ATP13A4: variants seen among roughly 807,000 people sequenced by gnomAD.
ATP13A4 encodes probable cation-transporting ATPase 13A4.
A neutral mutation model predicts 142.5 loss-of-function variants in ATP13A4; 114 were observed. The ratio of observed to expected loss-of-function variants is 0.80; its 90% CI spans 0.69 to 0.93. The LOEUF is 0.93. ATP13A4 is among the 40% of genes least tolerant of loss of function. The pLI, the probability that ATP13A4 is intolerant of heterozygous loss-of-function variation, is 0.00. For synonymous variants in ATP13A4, 488 were observed against 514.8 expected, an observed-to-expected ratio of 0.95 and a Z score of 0.70; for missense variants, 1,392 against 1,454.0, an observed-to-expected ratio of 0.96 and a Z score of 0.69.
At chr3:193,431,202 AT>A (rs1438017909) in intron 25 of ATP13A4, among the ~76,000 whole-genome samples, 1 of 152,134 alleles carries the variant, frequency 6.6e-6, no homozygotes, top group Non-Finnish European at 1.5e-5. Context: ...TGTTTCACTG[AT>A]GTATTATTCT....
At chr3:193,507,222 C>T (rs958361988) in intron 2 of ATP13A4, among the ~76,000 whole-genome samples, 4 of 152,076 alleles carry the variant, frequency 2.6e-5, no homozygotes, top group African/African-American at 7.2e-5. Context: ...TGTGAAATAC[C>T]TAGAGGATTA....
chr3:193,410,955 T>A (rs1363821486), intron 28 of ATP13A4, 27 bp downstream of exon 28: 1 of 1,383,354 alleles, frequency 7.2e-7, no homozygotes, highest in East Asian at 2.3e-5. Flanking sequence ...CTGTAAAGCA[T>A]CATCATATCC....
intron 7 of ATP13A4, among the ~76,000 whole-genome samples, chr3:193,485,863 G>T (rs1444167554): frequency 2.7e-5 from 4 of 150,818 alleles, no homozygotes; most frequent in Admixed American, 1.3e-4. Context: ...ATCTGCTGGT[G>T]TCTTGATCTT....
At chr3:193,496,797 CATAAATAAATAA>C (rs4019217) in intron 3 of ATP13A4, among the ~76,000 whole-genome samples, 23,102 of 145,542 alleles carry the variant, frequency 0.16, 1,964 homozygotes, top group East Asian at 0.28. Context: ...TCTCAAAATA[CATAAATAAATAA>C]ATAAATAAAT....
chr3:193,425,875 G>A (rs2108612426), intron 25 of ATP13A4, among the ~76,000 whole-genome samples: 1 of 151,790 alleles, frequency 6.6e-6, no homozygotes, highest in African/African-American at 2.4e-5. Flanking sequence ...AATTCTGAAT[G>A]TTCTCACTAC....
intron 2 of ATP13A4, 129 bp from the exon 3 acceptor site, chr3:193,502,768 G>T (rs1720625820): frequency 1.0e-6 from 1 of 989,332 alleles, no homozygotes; most frequent in Non-Finnish European, 1.5e-6. Context: ...AGACAGAACG[G>T]TTTGTCTCTG....
chr3:193,438,613 A>G, intron 22 of ATP13A4, 29 bp from the exon 23 acceptor site: 1 of 1,563,790 alleles, frequency 6.4e-7, no homozygotes, highest in Non-Finnish European at 8.8e-7. Flanking sequence ...CTTACTCCTC[A>G]CATAGACTCA....
In ATP13A4 at chr3:193,541,248, C is replaced by CAAAAAAAAAAAA. The variant is rs71179308; in HGVS notation, c.60+13480_60+13491dup. On this transcript the variant is annotated intron_variant, in intron 1 of 29. Coordinates refer to ENST00000342695, the MANE Select transcript of ATP13A4 (RefSeq NM_032279.4). ...TGGGCGACAGAGCGAGACTCCTTCT[C>CAAAAAAAAAAAA]AAAAAAAAAAAAAAAAAAAAAATCA... Among the ~76,000 whole-genome samples the CAAAAAAAAAAAA allele has an allele frequency of 1.9e-3, 99 of 51,264 alleles. 8 individuals are homozygous for CAAAAAAAAAAAA. Among genetic ancestry groups the CAAAAAAAAAAAA allele is most frequent in the Non-Finnish European group, 2.5e-3 (63 of 24,872 alleles). The allele number at this position is 51,264 out of a possible 152,430, so 33.6% of individuals were successfully genotyped here.
intron 25 of ATP13A4, among the ~76,000 whole-genome samples, chr3:193,425,172 T>C (rs893642069): frequency 2.6e-5 from 4 of 151,412 alleles, no homozygotes; most frequent in African/African-American, 9.7e-5. Flanking sequence ...ATAATCTCAC[T>C]CCAGTTAGAA....
At chr3:193,581,496 A>G (rs1452693780) in intron 2 of ATP13A4, among the ~76,000 whole-genome samples, 1 of 152,188 alleles carries the variant, frequency 6.6e-6, no homozygotes, top group East Asian at 1.9e-4. Context: ...TTTCCACCAT[A>G]CAAATGCAAT....
At chr3:193,465,575 A>G (rs1365529226) in intron 11 of ATP13A4, among the ~76,000 whole-genome samples, 4 of 137,106 alleles carry the variant, frequency 2.9e-5, no homozygotes, top group Non-Finnish European at 4.7e-5. Flanking sequence ...AGCTCTCACT[A>G]TCTTTCACCA....
chr3:193,434,308 A>C (rs1716137522), intron 24 of ATP13A4, among the ~76,000 whole-genome samples: 2 of 152,216 alleles, frequency 1.3e-5, no homozygotes, highest in African/African-American at 4.8e-5. Flanking sequence ...GTAACCTTAC[A>C]TAAGTTTTAC....
At chr3:193,540,152 A>G (rs1438084355) in intron 1 of ATP13A4, among the ~76,000 whole-genome samples, 1 of 152,108 alleles carries the variant, frequency 6.6e-6, no homozygotes, top group Non-Finnish European at 1.5e-5. Flanking sequence ...GAGAAGGTAC[A>G]TGGGAAATTT....
chr3:193,496,707 C>T (rs1014767788), intron 3 of ATP13A4, among the ~76,000 whole-genome samples: 1 of 152,060 alleles, frequency 6.6e-6, no homozygotes, highest in Non-Finnish European at 1.5e-5. Flanking sequence ...AGGAGAATCG[C>T]TTGGACCTGG....
intron 1 of ATP13A4, among the ~76,000 whole-genome samples, chr3:193,525,910 AAAAG>A (rs1215000626): frequency 1.3e-5 from 2 of 152,224 alleles, no homozygotes; most frequent in Non-Finnish European, 2.9e-5. Context: ...GGAAGTTTAT[AAAAG>A]AAGTGAATGG....
intron 17 of ATP13A4, among the ~76,000 whole-genome samples, chr3:193,451,932 G>T (rs1441879197): frequency 6.6e-6 from 1 of 152,158 alleles, no homozygotes; most frequent in African/African-American, 2.4e-5. Context: ...TTGATGACCT[G>T]AGATCAAATC....
At chr3:193,543,495 A>G (rs1723055881) in intron 1 of ATP13A4, among the ~76,000 whole-genome samples, 1 of 152,212 alleles carries the variant, frequency 6.6e-6, no homozygotes, top group Admixed American at 6.5e-5. Flanking sequence ...ACTAAGAATA[A>G]GTAAGCAACA....
intron 1 of ATP13A4, among the ~76,000 whole-genome samples, chr3:193,523,634 C>T (rs369870760): frequency 5.3e-5 from 8 of 152,330 alleles, no homozygotes; most frequent in East Asian, 1.9e-4. Context: ...ACAAAAGCTC[C>T]GGTGCTAGAG....
intron 12 of ATP13A4, among the ~76,000 whole-genome samples, chr3:193,464,180 T>G (rs1718127469): frequency 6.6e-6 from 1 of 152,204 alleles, no homozygotes; most frequent in South Asian, 2.1e-4. Context: ...AAACAATTTC[T>G]TAGCCACACA....
Sources: gnomAD v4.1 joint callset for allele counts (sites outside exome capture counted in the v4.1 genomes callset) on GRCh38, gnomAD v4.1.1 for gene constraint, MANE v1.5 for transcripts, NCBI Gene and HGNC (gene_info 2026-07-23, HGNC 2026-07-21) for gene names.